The following EPHB1 variants were observed in gnomAD, a reference collection of about 807,000 sequenced individuals.
EPHB1 encodes EPH receptor B1.
Under a neutral mutation model 94.4 loss-of-function variants are expected in EPHB1, and 30 were observed. The observed-to-expected ratio is 0.32, with a 90% CI of 0.24 to 0.43. The LOEUF (loss-of-function observed/expected upper bound fraction) is 0.43. EPHB1 is among the 20% of genes least tolerant of loss of function. EPHB1 has a pLI of 1.00. For missense variants in EPHB1, 1,055 were observed against 1,308.3 expected (o/e 0.81, Z 2.99); for synonymous variants, 522 against 489.1 (o/e 1.07, Z -0.89).
chr3:134,876,101 A>T (rs2037611738), intron 1 of EPHB1, among the ~76,000 whole-genome samples: 1 of 152,192 alleles, frequency 6.6e-6, no homozygotes, highest in African/African-American at 2.4e-5. Context: ...AGGGCTCCTC[A>T]GTCCCTGTGG....
chr3:134,931,837 C>A (rs2038909835), intron 2 of EPHB1, among the ~76,000 whole-genome samples: 1 of 151,540 alleles, frequency 6.6e-6, no homozygotes, highest in African/African-American at 2.4e-5. Flanking sequence ...ATATGTGTGT[C>A]TATGTTTGTA....
chr3:134,971,353 A>T (rs933039249), intron 3 of EPHB1, among the ~76,000 whole-genome samples: 2 of 152,196 alleles, frequency 1.3e-5, no homozygotes, highest in South Asian at 4.1e-4. Flanking sequence ...CAGTGGCATC[A>T]TTCTGCCCTT....
In EPHB1 at chr3:135,166,039, G is replaced by T; in HGVS notation, c.1657G>T (p.Val553Phe). 6.2e-7 allele frequency: 1 copy of T among 1,613,892 alleles called. No individual in the cohort carries two copies. The highest frequency in any genetic ancestry group is 8.5e-7 in the Non-Finnish European group (1 of 1,179,858). ...AGSAAAGVVF[V>F]VSLVAISIVC... Reference sequence around the variant, plus strand: ...CTCGGCAGCGGCCGGGGTCGTGTTCGTTGTGTCCTTGGTGGCCATCTCTAT... The same window carrying T: ...CTCGGCAGCGGCCGGGGTCGTGTTCTTTGTGTCCTTGGTGGCCATCTCTAT... Residue 553 changes from valine (V) to phenylalanine (F), a missense_variant, in exon 8 of 16, where the codon GTT (valine) becomes TTT (phenylalanine). Coordinates refer to ENST00000398015, the MANE Select transcript of EPHB1 (RefSeq NM_004441.5).
chr3:134,823,707 T>G (rs1219401658), intron 1 of EPHB1: 3 of 152,248 alleles, frequency 2.0e-5, no homozygotes, highest in Admixed American at 2.0e-4. Context: ...AGGAAGCTGG[T>G]AAGTTTTCCA....
intron 1 of EPHB1, among the ~76,000 whole-genome samples, chr3:134,860,738 A>G (rs1225646944): frequency 6.8e-6 from 1 of 146,500 alleles, no homozygotes; most frequent in Non-Finnish European, 1.5e-5. Context: ...GCTTGAACCC[A>G]ATAGGCAGAG....
chr3:135,158,132 A>T (rs1941407813), intron 6 of EPHB1, among the ~76,000 whole-genome samples: 1 of 152,234 alleles, frequency 6.6e-6, no homozygotes. Context: ...TGCAAACAGA[A>T]TGATCTGCTT....
At chr3:135,218,494 TACCC>T (rs1038217589) in intron 12 of EPHB1, among the ~76,000 whole-genome samples, 19 of 152,360 alleles carry the variant, frequency 1.2e-4, no homozygotes, top group African/African-American at 4.3e-4. Context: ...AGCCAGCATG[TACCC>T]AGGGACTGGA....
chr3:135,110,720 A>G (rs9813334), intron 4 of EPHB1, among the ~76,000 whole-genome samples: 6,818 of 152,266 alleles, frequency 0.045, 214 homozygotes, highest in South Asian at 0.15. Context: ...CTCACTCATG[A>G]ATCTACCTTG....
intron 1 of EPHB1, among the ~76,000 whole-genome samples, chr3:134,920,972 C>G (rs1166156927): frequency 2.0e-5 from 3 of 151,976 alleles, no homozygotes; most frequent in Admixed American, 1.3e-4. Flanking sequence ...TGGTCTCAAA[C>G]TCTGGGTTCA....
In EPHB1 at chr3:135,202,015, G is replaced by A. The variant is rs188435903; in HGVS notation, c.2346+326G>A. ...GTAGACACTGGTACCAGAGGCATCT[G>A]TCAGCAGAGAGCAGACCCCAGGCAT... On this transcript the variant is annotated intron_variant, in intron 12 of 15. Coordinates refer to ENST00000398015, the MANE Select transcript of EPHB1 (RefSeq NM_004441.5). Among the ~76,000 whole-genome samples, 329 of 152,270 alleles carry A rather than the reference G, an allele frequency of 2.2e-3. 2 individuals are homozygous for A. Among genetic ancestry groups the A allele is most frequent in the African/African-American group, 7.8e-3 (324 of 41,542 alleles).
intron 3 of EPHB1, among the ~76,000 whole-genome samples, chr3:134,987,743 C>G (rs1234289739): frequency 6.6e-6 from 1 of 151,872 alleles, no homozygotes; most frequent in East Asian, 1.9e-4. Flanking sequence ...TGTATTCCAG[C>G]CTGGGTGACA....
At chr3:135,018,003 G>T (rs998391993) in intron 3 of EPHB1, among the ~76,000 whole-genome samples, 1 of 152,058 alleles carries the variant, frequency 6.6e-6, no homozygotes, top group African/African-American at 2.4e-5. Context: ...TGGACTGTGA[G>T]GGGGGGCATG....
chr3:135,160,840 T>C (rs1941484266), intron 6 of EPHB1, among the ~76,000 whole-genome samples: 1 of 152,116 alleles, frequency 6.6e-6, no homozygotes, highest in South Asian at 2.1e-4. Context: ...TTAAGCAATC[T>C]GGAGGGAGTA....
intron 3 of EPHB1, among the ~76,000 whole-genome samples, chr3:135,016,716 G>A (rs972944237): frequency 6.6e-5 from 10 of 152,186 alleles, no homozygotes; most frequent in Non-Finnish European, 1.2e-4. Context: ...ACATGGCAGC[G>A]GGGTGCCAGT....
intron 1 of EPHB1, among the ~76,000 whole-genome samples, chr3:134,820,821 G>A (rs575105440): frequency 2.9e-4 from 44 of 152,232 alleles, no homozygotes; most frequent in African/African-American, 9.1e-4. Context: ...AACCAGATAC[G>A]CTTTAAAAGG....
rs73861961 is a variant in EPHB1 at position 134,827,344 on chromosome 3, G to T, written c.58+31655G>T. Among the ~76,000 whole-genome samples the T allele has an allele frequency of 2.5e-3, 368 of 147,644 alleles. 2 individuals are homozygous for T. Among genetic ancestry groups the T allele is most frequent in the African/African-American group, 9.1e-3 (358 of 39,232 alleles). Reference sequence around the variant, plus strand: ...TGAGTGACAGGAAACAAAATCAACAGATGTGCGCGGGTGCGCGTGCACACA... The same window carrying T: ...TGAGTGACAGGAAACAAAATCAACATATGTGCGCGGGTGCGCGTGCACACA... On this transcript the variant is annotated intron_variant, in intron 1 of 15. Transcript: ENST00000398015.
intron 3 of EPHB1, among the ~76,000 whole-genome samples, chr3:135,096,555 G>A (rs529787143): frequency 4.6e-5 from 7 of 152,240 alleles, no homozygotes; most frequent in African/African-American, 1.7e-4. Context: ...ACAAACACTG[G>A]GTGGCTTAAA....
intron 5 of EPHB1, among the ~76,000 whole-genome samples, chr3:135,139,344 A>C (rs1462413261): frequency 6.6e-6 from 1 of 152,190 alleles, no homozygotes; most frequent in Non-Finnish European, 1.5e-5. Context: ...CCACTCTCAA[A>C]GGGATTGGTT....
chr3:135,081,856 G>T (rs1039533768), intron 3 of EPHB1, among the ~76,000 whole-genome samples: 2 of 152,110 alleles, frequency 1.3e-5, no homozygotes, highest in Non-Finnish European at 2.9e-5. Flanking sequence ...GAGCAAGAGG[G>T]CACAGAATGC....
Sources: gnomAD v4.1 joint callset for allele counts (sites outside exome capture counted in the v4.1 genomes callset) on GRCh38, gnomAD v4.1.1 for gene constraint, MANE v1.5 for transcripts, NCBI Gene and HGNC (gene_info 2026-07-23, HGNC 2026-07-21) for gene names.